PALLD: variants seen among roughly 807,000 people sequenced by gnomAD.
PALLD encodes the protein palladin, cytoskeletal associated protein.
Under a neutral mutation model 123.5 loss-of-function variants are expected in PALLD, and 61 were observed. That is an observed-to-expected ratio of 0.49 (90% CI 0.40 to 0.61). PALLD has a LOEUF of 0.61. Ranked by LOEUF, PALLD falls within the 20% of genes least tolerant of loss-of-function variation. PALLD has a pLI of 0.00. For synonymous variants in PALLD, 465 were observed against 496.4 expected (o/e 0.94, Z 0.84); for missense variants, 1,273 against 1,377.0 (o/e 0.92, Z 1.20).
chr4:168,554,822 C>T (rs1485183620), intron 2 of PALLD, among the ~76,000 whole-genome samples: 4 of 152,098 alleles, frequency 2.6e-5, no homozygotes, highest in Non-Finnish European at 5.9e-5. Flanking sequence ...ATCTCAACAA[C>T]TTCACTGATA....
rs143691135 is a variant in PALLD at position 168,639,840 on chromosome 4, G to A, written c.909-28350G>A. Among the ~76,000 whole-genome samples the A allele has an allele frequency of 2.0e-3, 302 of 152,254 alleles. 1 individual carries two copies. The highest frequency in any genetic ancestry group is 6.2e-3 in the African/African-American group (258 of 41,554). On this transcript the variant is annotated intron_variant, in intron 2 of 21. Transcript: ENST00000505667. ...ATTATAGGCGTGAGCCACCGTGCCC[G>A]GCCTGCCACTCAACTTTAATTTGTG...
chr4:168,709,851 G>A (rs553047390), intron 9 of PALLD, among the ~76,000 whole-genome samples: 84 of 152,066 alleles, frequency 5.5e-4, no homozygotes, highest in Middle Eastern at 3.4e-3. Flanking sequence ...CTTTAAAATC[G>A]TGCAGTCTTG....
chr4:168,612,837 A>G (rs1224076679), intron 2 of PALLD, among the ~76,000 whole-genome samples: 3 of 152,214 alleles, frequency 2.0e-5, no homozygotes, highest in Admixed American at 1.3e-4. Flanking sequence ...GCAGTGCAGA[A>G]TGCTCCTTAG....
At chr4:168,709,711 C>T (rs1016860578) in intron 9 of PALLD, among the ~76,000 whole-genome samples, 2 of 151,482 alleles carry the variant, frequency 1.3e-5, no homozygotes, top group Non-Finnish European at 2.9e-5. Context: ...CTGGCCACTC[C>T]AGGAGTCACC....
intron 2 of PALLD, among the ~76,000 whole-genome samples, chr4:168,619,583 G>C (rs753385834): frequency 2.0e-5 from 3 of 152,172 alleles, no homozygotes; most frequent in Non-Finnish European, 4.4e-5. Flanking sequence ...ACTGTAGTTA[G>C]AGAAGTTTGG....
At chr4:168,877,390 CG>C (rs1751891477) in intron 10 of PALLD, among the ~76,000 whole-genome samples, 1 of 152,290 alleles carries the variant, frequency 6.6e-6, no homozygotes, top group African/African-American at 2.4e-5. Flanking sequence ...GATGTCGAAA[CG>C]TTTTTCTCTT....
At chr4:168,740,574 A>T (rs1402458854) in intron 10 of PALLD, among the ~76,000 whole-genome samples, 3 of 152,178 alleles carry the variant, frequency 2.0e-5, no homozygotes, top group Non-Finnish European at 2.9e-5. Flanking sequence ...TAAGCCTGAG[A>T]CTACCAGAAA....
chr4:168,690,867 A>C (rs1052146756), intron 7 of PALLD, 123 bp downstream of exon 7: 6 of 1,018,498 alleles, frequency 5.9e-6, no homozygotes, highest in Non-Finnish European at 9.3e-6. Flanking sequence ...GCAGGATCAG[A>C]TAATCTACAG....
At chr4:168,561,677 T>C (rs1054787050) in intron 2 of PALLD, among the ~76,000 whole-genome samples, 1 of 152,240 alleles carries the variant, frequency 6.6e-6, no homozygotes, top group Non-Finnish European at 1.5e-5. Flanking sequence ...TCTTCATTCA[T>C]GCATATAACT....
rs139303326 is a variant in PALLD at position 168,557,710 on chromosome 4, C to T, written c.908+45298C>T. On this transcript the variant is annotated intron_variant, in intron 2 of 21. Coordinates refer to ENST00000505667, the MANE Select transcript of PALLD (RefSeq NM_001166108.2). ...CTACATGTGCATTAAATCTCAAGCA[C>T]GGTCTCCTTCAGTAGTAAGAAGGCC... Among the ~76,000 whole-genome samples, 58 of 152,264 alleles carry T rather than the reference C, an allele frequency of 3.8e-4. 1 individual carries two copies. In the East Asian group the frequency reaches 9.1e-3, roughly 24 times the overall value.
At chr4:168,746,131 C>G (rs2150364687) in intron 10 of PALLD, among the ~76,000 whole-genome samples, 1 of 152,180 alleles carries the variant, frequency 6.6e-6, no homozygotes. Flanking sequence ...ATCAGAATCT[C>G]TAGTTCAACA....
At chr4:168,818,302 G>T (rs1453019129) in intron 10 of PALLD, among the ~76,000 whole-genome samples, 1 of 151,708 alleles carries the variant, frequency 6.6e-6, no homozygotes, top group African/African-American at 2.4e-5. Flanking sequence ...TAGATGTCAA[G>T]AGCAGGGAAA....
intron 10 of PALLD, among the ~76,000 whole-genome samples, chr4:168,868,186 A>G (rs1750588721): frequency 6.6e-6 from 1 of 152,166 alleles, no homozygotes; most frequent in Admixed American, 6.5e-5. Context: ...CCTGGATTAT[A>G]TACTTATCCT....
At chr4:168,610,950 T>C (rs1773667564) in intron 2 of PALLD, among the ~76,000 whole-genome samples, 1 of 152,166 alleles carries the variant, frequency 6.6e-6, no homozygotes, top group Admixed American at 6.5e-5. Flanking sequence ...TTCCCAAATC[T>C]TGTGCAGTCA....
At chr4:168,658,339 C>T (rs895636774) in intron 2 of PALLD, among the ~76,000 whole-genome samples, 2 of 135,218 alleles carry the variant, frequency 1.5e-5, no homozygotes, top group African/African-American at 2.9e-5. Context: ...GGCTAGAGTG[C>T]AGTGGCACAA....
chr4:168,863,833 C>T (rs188559293), intron 10 of PALLD: 70 of 152,290 alleles, frequency 4.6e-4, no homozygotes, highest in African/African-American at 1.6e-3. Context: ...TTAACTGTTA[C>T]ATTAATCCTG....
At chr4:168,701,320 G>A (rs1287105018) in intron 8 of PALLD, among the ~76,000 whole-genome samples, 2 of 152,250 alleles carry the variant, frequency 1.3e-5, no homozygotes, top group Non-Finnish European at 2.9e-5. Context: ...CACAGAAGGA[G>A]CCTGACAAGA....
chr4:168,877,596 C>T (rs1751923761), intron 10 of PALLD: 1 of 286,432 alleles, frequency 3.5e-6, no homozygotes, highest in South Asian at 1.4e-4. Context: ...TAACGTGTGC[C>T]CGTTCCCTGG....
chr4:168,648,387 G>C (rs1777696325), intron 2 of PALLD: 1 of 152,190 alleles, frequency 6.6e-6, no homozygotes, highest in South Asian at 2.1e-4. Context: ...TGTTACTGTA[G>C]AGATAGATGC....
Sources: gnomAD v4.1 joint callset for allele counts (sites outside exome capture counted in the v4.1 genomes callset) on GRCh38, gnomAD v4.1.1 for gene constraint, MANE v1.5 for transcripts, NCBI Gene and HGNC (gene_info 2026-07-23, HGNC 2026-07-21) for gene names.